Variants in NLRP14 observed in about 807,000 individuals in gnomAD.
The protein encoded by NLRP14 is NLR family pyrin domain containing 14.
Under a neutral mutation model 94.7 loss-of-function variants are expected in NLRP14, and 105 were observed. The ratio of observed to expected loss-of-function variants is 1.11; its 90% CI spans 0.95 to 1.30. The LOEUF (loss-of-function observed/expected upper bound fraction) is 1.30, where lower values mean the gene tolerates loss of function less well. Ranked by LOEUF, NLRP14 falls within the 50% of genes most tolerant of loss-of-function variation. The pLI, the probability that NLRP14 is intolerant of heterozygous loss-of-function variation, is 0.00. For synonymous variants in NLRP14, 508 were observed against 459.9 expected, an observed-to-expected ratio of 1.10 and a Z score of -1.34; for missense variants, 1,362 against 1,254.1, an observed-to-expected ratio of 1.09 and a Z score of -1.30.
intron 6 of NLRP14, among the ~76,000 whole-genome samples, chr11:7,054,641 A>G (rs1375918384): frequency 1.3e-5 from 2 of 152,006 alleles, no homozygotes; most frequent in East Asian, 3.9e-4. Flanking sequence ...TTTTAATTGG[A>G]TAATTAGATT....
At chr11:7,089,036 G>A in the NLRP14 span, 5 of 1,486,712 alleles carry the variant, frequency 3.4e-6, no homozygotes, top group East Asian at 2.4e-5. Flanking sequence ...AGTAGGAGCC[G>A]CCCTCGACGA....
chr11:7,058,611 AACTCT>A (rs1852559054), intron 8 of NLRP14, among the ~76,000 whole-genome samples, 161 bp downstream of exon 8: 1 of 151,648 alleles, frequency 6.6e-6, no homozygotes. Flanking sequence ...ATTGTGTCCT[AACTCT>A]ACTCTGGATC....
At chr11:7,090,409 C>T in the NLRP14 span, 3 of 1,336,312 alleles carry the variant, frequency 2.2e-6, no homozygotes, top group South Asian at 3.9e-5. Context: ...TTGTTTTTAC[C>T]TTTTAAGAAT....
At chr11:7,084,906 G>C in the NLRP14 span, among the ~76,000 whole-genome samples, 1 of 152,148 alleles carries the variant, frequency 6.6e-6, no homozygotes, top group East Asian at 1.9e-4. Context: ...TAAGCCCTTT[G>C]AGGTCTGCAA....
Position 7,042,720 on chromosome 11 carries a change from T to C in NLRP14, c.694T>C (p.Leu232=), listed in dbSNP as rs761159651. 5.0e-6 allele frequency: 8 copies of C among 1,614,196 alleles called. No individual in the cohort carries two copies. The highest frequency in any genetic ancestry group is 1.3e-5 in the African/African-American group (1 of 75,054). Residue 232 remains leucine, a synonymous_variant, in exon 4 of 12, where the codon TTG becomes CTG. Transcript: ENST00000299481. Reference sequence around the variant, plus strand: ...GCTGAAAGAGAGAAGCTTTGCTCAATTGATATCAAAGGACTGGCCCAGCAC... The same window carrying C: ...GCTGAAAGAGAGAAGCTTTGCTCAACTGATATCAAAGGACTGGCCCAGCAC... The part of the protein sequence containing the change: ...NQLKERSFAQ[L]ISKDWPSTEG...
the NLRP14 span, among the ~76,000 whole-genome samples, chr11:7,078,220 C>T: frequency 0.038 from 5,700 of 150,806 alleles, 280 homozygotes; most frequent in African/African-American, 0.11. Context: ...GGGTGGATCA[C>T]GAGGTCAGGA....
In NLRP14 at chr11:7,057,946, C is replaced by G. The variant is rs1457298533; in HGVS notation, c.2462+99C>G. 6.9e-5 allele frequency: 67 copies of G among 968,906 alleles called. 1 individual carries two copies. The highest frequency in any genetic ancestry group is 4.5e-5 in the Non-Finnish European group (27 of 594,958). The allele number at this position is 968,906 out of a possible 1,614,324, so 60.0% of individuals were successfully genotyped here. ...GAAACTTCTTGGGTCTTGGCACTAACTGGCTCGTTTGTCAATTCTGAATAA... is the reference window on the plus strand; with the variant it reads ...GAAACTTCTTGGGTCTTGGCACTAAGTGGCTCGTTTGTCAATTCTGAATAA... On this transcript the variant is annotated intron_variant, in intron 7 of 11. Transcript: ENST00000299481.
chr11:7,077,860 G>T, the NLRP14 span, among the ~76,000 whole-genome samples: 3 of 152,150 alleles, frequency 2.0e-5, no homozygotes, highest in Non-Finnish European at 4.4e-5. Context: ...TGAGATTTGG[G>T]TGGGGACACA....
chr11:7,039,495 G>T (rs988254910), intron 2 of NLRP14, among the ~76,000 whole-genome samples: 2 of 152,094 alleles, frequency 1.3e-5, no homozygotes, highest in Non-Finnish European at 2.9e-5. Context: ...CAAGGTGGGG[G>T]CCATGGCAAG....
At chr11:7,031,288 G>C (rs1343998319) in intron 1 of NLRP14, among the ~76,000 whole-genome samples, 2 of 152,186 alleles carry the variant, frequency 1.3e-5, no homozygotes, top group Middle Eastern at 3.2e-3. Context: ...GGGAAGTTGG[G>C]TTCTGTGCGA....
At chr11:7,048,222 T>C (rs1852388838) in intron 5 of NLRP14, among the ~76,000 whole-genome samples, 1 of 152,248 alleles carries the variant, frequency 6.6e-6, no homozygotes. Flanking sequence ...CCTGGAGGTT[T>C]CCCTAACCTG....
chr11:7,077,366 C>T, the NLRP14 span, among the ~76,000 whole-genome samples: 1 of 152,256 alleles, frequency 6.6e-6, no homozygotes. Context: ...AGTTCTTTGC[C>T]CGCAGGGGGC....
chr11:7,058,922 T>G (rs1266806452), intron 8 of NLRP14, among the ~76,000 whole-genome samples: 1 of 151,936 alleles, frequency 6.6e-6, no homozygotes, highest in African/African-American at 2.4e-5. Flanking sequence ...TAAGCCAAGG[T>G]TTTAATTTGG....
chr11:7,077,544 A>G, the NLRP14 span, among the ~76,000 whole-genome samples: 1 of 152,252 alleles, frequency 6.6e-6, no homozygotes, highest in Non-Finnish European at 1.5e-5. Context: ...ATGAGGGTGT[A>G]TTAGTCCGTT....
Position 7,043,997 on chromosome 11 carries a change from G to C in NLRP14, c.1958+13G>C. The stretch of plus-strand genomic sequence containing the variant: ...CAACTAACACTTGGTAAGTGTGTTA[G>C]GGCCATTCCCTGGAAGTGCCCTGTA... On this transcript the variant is annotated intron_variant, in intron 4 of 11. Coordinates refer to ENST00000299481, the MANE Select transcript of NLRP14 (RefSeq NM_176822.4). 1 of 1,613,304 alleles carries C rather than the reference G, an allele frequency of 6.2e-7. No individual in the cohort carries two copies.
chr11:7,081,223 A>C, the NLRP14 span, among the ~76,000 whole-genome samples: 1 of 152,062 alleles, frequency 6.6e-6, no homozygotes, highest in Admixed American at 6.6e-5. Context: ...CTTTAGAATT[A>C]GGGCCTTGTC....
chr11:7,074,559 CAGAAAA>C (rs2119448889), downstream of NLRP14, among the ~76,000 whole-genome samples: 1 of 152,328 alleles, frequency 6.6e-6, no homozygotes, highest in South Asian at 2.1e-4. Flanking sequence ...ACCAGACTGT[CAGAAAA>C]AGGAAAATTC....
rs908213947 is a variant in NLRP14, at chr11:7,039,843, G to C, written c.361+58G>C. The C allele has an allele frequency of 6.5e-5, 83 of 1,285,692 alleles. No individual in the cohort carries two copies. The Admixed American group carries it at 1.4e-3, about 21-fold the overall frequency. The allele number at this position is 1,285,692 out of a possible 1,614,324, so 79.6% of individuals were successfully genotyped here. Reference sequence around the variant, plus strand: ...GGCATTCAAAGTTTTGATACAGGACGGTGATTTATCTCCCGAGGACTTTTG... The same window carrying C: ...GGCATTCAAAGTTTTGATACAGGACCGTGATTTATCTCCCGAGGACTTTTG... On this transcript the variant is annotated intron_variant, in intron 3 of 11. Coordinates refer to ENST00000299481, the MANE Select transcript of NLRP14 (RefSeq NM_176822.4).
At chr11:7,040,407 T>C (rs149849391) in intron 3 of NLRP14, among the ~76,000 whole-genome samples, 2 of 152,318 alleles carry the variant, frequency 1.3e-5, no homozygotes, top group South Asian at 2.1e-4. Flanking sequence ...GGATCTAGGT[T>C]GTATGCTCCT....
Sources: allele counts gnomAD v4.1 joint callset (sites outside exome capture counted in the v4.1 genomes callset), GRCh38; gene constraint gnomAD v4.1.1; transcripts MANE v1.5; gene names NCBI Gene and HGNC (gene_info 2026-07-23, HGNC 2026-07-21).